The following TEX26 variants were observed in gnomAD, a reference collection of about 807,000 sequenced individuals.
The protein encoded by TEX26 is testis expressed 26.
Under a neutral mutation model 35.3 loss-of-function variants are expected in TEX26, and 34 were observed. The ratio of observed to expected loss-of-function variants is 0.96; its 90% CI spans 0.73 to 1.28. TEX26 has a LOEUF of 1.28. Ranked by LOEUF, TEX26 falls within the 50% of genes most tolerant of loss-of-function variation. The pLI is 0.00. For missense variants in TEX26, 371 were observed against 330.1 expected (o/e 1.12, Z -0.96); for synonymous variants, 136 against 111.8 (o/e 1.22, Z -1.36).
intron 6 of TEX26, 119 bp downstream of exon 6, chr13:30,969,165 T>TAA: frequency 5.8e-5 from 35 of 606,040 alleles, no homozygotes; most frequent in South Asian, 7.5e-5. Context: ...AAACATTGCC[T>TAA]CAAAAAAAAA....
In TEX26 at chr13:30,966,531, G is replaced by A. The variant is rs1954543080; in HGVS notation, c.646+133G>A. 2.0e-5 allele frequency: 15 copies of A among 768,812 alleles called. No homozygotes were observed. In the South Asian group the frequency reaches 2.7e-4, roughly 14 times the overall value. The allele number at this position is 768,812 out of a possible 1,614,324, so 47.6% of individuals were successfully genotyped here. A position where few individuals can be genotyped will look rare whatever the true frequency, so the allele number is the denominator to read the frequency against. On this transcript the variant is annotated intron_variant, in intron 5 of 6. Transcript: ENST00000380473. ...TGGCTCACTGAGATCTCCGCCTCCT[G>A]GGTTCAAGCGATTCTCCTGCCTCAG...
intron 4 of TEX26, among the ~76,000 whole-genome samples, chr13:30,959,833 A>G (rs141192891): frequency 4.6e-5 from 7 of 152,336 alleles, no homozygotes; most frequent in Admixed American, 1.3e-4. Context: ...ATAACGAATG[A>G]CAAAAGACTG....
chr13:30,965,096 C>T (rs773834938), intron 4 of TEX26, among the ~76,000 whole-genome samples: 4 of 152,082 alleles, frequency 2.6e-5, no homozygotes, highest in Admixed American at 1.3e-4. Flanking sequence ...CCTCTATAAC[C>T]TGTCTTCTGT....
chr13:30,966,649 G>A (rs762352081), intron 5 of TEX26, among the ~76,000 whole-genome samples: 42 of 152,028 alleles, frequency 2.8e-4, no homozygotes, highest in Admixed American at 5.2e-4. Context: ...ATGTTGGCCA[G>A]GCTGGTCTCA....
chr13:30,969,474 T>G (rs1954646368), intron 6 of TEX26, among the ~76,000 whole-genome samples: 1 of 152,202 alleles, frequency 6.6e-6, no homozygotes, highest in African/African-American at 2.4e-5. Flanking sequence ...AAAATCTCTA[T>G]ATATCACTCT....
In TEX26 at chr13:30,966,099, T is replaced by G. The variant is rs1169136867; in HGVS notation, c.470-123T>G. 7.2e-6 allele frequency: 7 copies of G among 967,596 alleles called. No homozygotes were observed. In the Admixed American group the frequency reaches 1.6e-4, roughly 22 times the overall value. 59.9% of individuals were successfully genotyped at this position (967,596 alleles called of 1,614,324 possible). On this transcript the variant is annotated intron_variant, in intron 4 of 6. Coordinates refer to ENST00000380473, the MANE Select transcript of TEX26 (RefSeq NM_152325.3). ...TTCCTGTGACTGACAAAGCAGAAAA[T>G]TATTTCTCCATTGAAGTGTTCATAC...
intron 2 of TEX26, among the ~76,000 whole-genome samples, chr13:30,943,424 C>A (rs1184027987): frequency 6.6e-6 from 1 of 152,056 alleles, no homozygotes. Context: ...AATATTTTGA[C>A]TTTCTCTTTT....
At chr13:30,954,365 T>A (rs573193518) in intron 3 of TEX26, among the ~76,000 whole-genome samples, 3 of 93,492 alleles carry the variant, frequency 3.2e-5, no homozygotes, top group Non-Finnish European at 7.9e-5. Flanking sequence ...ATAAAACTCC[T>A]GTCTCTAAAA....
intron 4 of TEX26, among the ~76,000 whole-genome samples, chr13:30,962,440 T>C (rs1954381000): frequency 6.6e-6 from 1 of 152,204 alleles, no homozygotes; most frequent in Non-Finnish European, 1.5e-5. Context: ...GGAGCAGGTC[T>C]CCCTTCCTTC....
intron 5 of TEX26, 21 bp from the exon 6 acceptor site, chr13:30,968,864 C>G: frequency 1.9e-6 from 3 of 1,608,446 alleles, no homozygotes; most frequent in Non-Finnish European, 1.7e-6. Context: ...CCGACCTCTC[C>G]TCCCCTGTGT....
At position 30,957,041 on chromosome 13, in the gene TEX26, T is replaced by A. The variant is rs1954164525; in HGVS notation, c.469+12T>A. On this transcript the variant is annotated intron_variant, in intron 4 of 6. Coordinates refer to ENST00000380473, the MANE Select transcript of TEX26 (RefSeq NM_152325.3). ...GGACAGATCAAAAGGTAAACACTTT[T>A]GTTTTTCTTTTTTTCCTGGGTCATG... The A allele has an allele frequency of 6.2e-7, 1 of 1,611,152 alleles. No individual in the cohort carries two copies. Among genetic ancestry groups the A allele is most frequent in the Non-Finnish European group, 8.5e-7 (1 of 1,177,716 alleles).
At chr13:30,956,749 T>A (rs574401823) in intron 3 of TEX26, 124 bp from the exon 4 acceptor site, 8 of 832,150 alleles carry the variant, frequency 9.6e-6, no homozygotes, top group Middle Eastern at 3.3e-4. Context: ...CCAGCATCCA[T>A]GCACCTGCAG....
chr13:30,944,081 G>A (rs1427168054), intron 2 of TEX26, among the ~76,000 whole-genome samples: 1 of 151,814 alleles, frequency 6.6e-6, no homozygotes, highest in Non-Finnish European at 1.5e-5. Context: ...AATCCATCTG[G>A]CCCTGGCTTT....
intron 2 of TEX26, among the ~76,000 whole-genome samples, chr13:30,945,389 G>GT (rs1294634334): frequency 6.6e-6 from 1 of 151,524 alleles, no homozygotes; most frequent in African/African-American, 2.4e-5. Flanking sequence ...GTGGTTTGTG[G>GT]ATTTTTTTTT....
At chr13:30,957,520 T>C (rs1263323137) in intron 4 of TEX26, among the ~76,000 whole-genome samples, 1 of 152,112 alleles carries the variant, frequency 6.6e-6, no homozygotes, top group Non-Finnish European at 1.5e-5. Context: ...AGGTTTTTAT[T>C]AAGGTAGTGA....
chr13:30,966,101 A>C, intron 4 of TEX26, 121 bp from the exon 5 acceptor site: 1 of 977,564 alleles, frequency 1.0e-6, no homozygotes, highest in South Asian at 1.5e-5. Flanking sequence ...GCAGAAAATT[A>C]TTTCTCCATT....
intron 1 of TEX26, chr13:30,936,639 C>T: frequency 1.0e-6 from 1 of 970,924 alleles, no homozygotes; most frequent in Middle Eastern, 5.3e-4. Context: ...ATACATAGCT[C>T]ATCTCTTGGC....
intron 6 of TEX26, among the ~76,000 whole-genome samples, chr13:30,973,805 C>T (rs2138363901): frequency 6.6e-6 from 1 of 152,162 alleles, no homozygotes; most frequent in South Asian, 2.1e-4. Flanking sequence ...CAGGTGATAA[C>T]TGCTGGGAGT....
rs5802589 is a variant in TEX26 at position 30,951,355 on chromosome 13, CAA to C, written c.147-1290_147-1289del. Among the ~76,000 whole-genome samples, 1,053 of 130,826 alleles carry C rather than the reference CAA, an allele frequency of 8.0e-3. 2 individuals carry two copies. The highest frequency in any genetic ancestry group is 8.9e-3 in the African/African-American group (307 of 34,640). The allele number at this position is 130,826 out of a possible 152,430, so 85.8% of individuals were successfully genotyped here. A position where few individuals can be genotyped will look rare whatever the true frequency, so the allele number is the denominator to read the frequency against. On this transcript the variant is annotated intron_variant, in intron 2 of 6. Transcript: ENST00000380473. ...TAGGCAACAGAGCAAGACTCTGTCT[CAA>C]AAAAAAAAAAAAAAGCTATTTGTGC...
Sources: gnomAD v4.1 joint callset for allele counts (sites outside exome capture counted in the v4.1 genomes callset) on GRCh38, gnomAD v4.1.1 for gene constraint, MANE v1.5 for transcripts, NCBI Gene and HGNC (gene_info 2026-07-23, HGNC 2026-07-21) for gene names.